The following ODAD2 variants were observed in gnomAD, a reference collection of about 807,000 sequenced individuals.
ODAD2 encodes outer dynein arm docking complex subunit 2, also known as outer dynein arm-docking complex subunit 2.
In ODAD2, 89 loss-of-function variants were observed where a neutral mutation model predicts 106.8. The observed-to-expected ratio is 0.83, with a 90% CI of 0.70 to 0.99. The LOEUF is 0.99. Ranked by LOEUF, ODAD2 falls within the 50% of genes least tolerant of loss-of-function variation. The pLI is 0.00. For missense variants in ODAD2, 1,168 were observed against 1,238.5 expected, an observed-to-expected ratio of 0.94 and a Z score of 0.85; for synonymous variants, 404 against 436.2, an observed-to-expected ratio of 0.93 and a Z score of 0.92.
intron 17 of ODAD2, chr10:27,905,213 T>C (rs1402167807): frequency 5.9e-6 from 1 of 168,272 alleles, no homozygotes; most frequent in Non-Finnish European, 1.3e-5. Flanking sequence ...TCGAGGTTAT[T>C]TTCAGTTCAA....
chr10:27,875,986 C>T (rs914360366), intron 17 of ODAD2, among the ~76,000 whole-genome samples: 13 of 152,222 alleles, frequency 8.5e-5, no homozygotes, highest in African/African-American at 2.4e-4. Context: ...AACATGGCAG[C>T]GAGCCTGGGG....
chr10:27,977,183 G>A (rs1363785988), intron 7 of ODAD2, among the ~76,000 whole-genome samples: 4 of 152,148 alleles, frequency 2.6e-5, no homozygotes, highest in South Asian at 2.1e-4. Flanking sequence ...TTGGAAAAGC[G>A]TTATAAAACA....
chr10:27,902,606 T>C (rs532258809), intron 17 of ODAD2, among the ~76,000 whole-genome samples: 5 of 152,058 alleles, frequency 3.3e-5, no homozygotes, highest in African/African-American at 1.2e-4. Flanking sequence ...TAAAAAATGA[T>C]ACAGGGGAGA....
At position 27,831,663 on chromosome 10, in the gene ODAD2, C is replaced by T. The variant is rs141109726; in HGVS notation, c.3022-19038G>A. On this transcript the variant is annotated intron_variant, in intron 19 of 19. Transcript: ENST00000305242. Reference sequence around the variant, plus strand: ...CTGCCATACAGATGGCCTCCCTTGGCGTACGTGCCCACACAGAGGCAGCTG... The same window carrying T: ...CTGCCATACAGATGGCCTCCCTTGGTGTACGTGCCCACACAGAGGCAGCTG... Among the ~76,000 whole-genome samples the T allele has an allele frequency of 4.0e-3, 611 of 152,348 alleles. 3 individuals are homozygous for T. The highest frequency in any genetic ancestry group is 0.014 in the African/African-American group (569 of 41,592).
intron 19 of ODAD2, among the ~76,000 whole-genome samples, chr10:27,813,647 T>A (rs963063505): frequency 6.6e-6 from 1 of 152,176 alleles, no homozygotes; most frequent in Non-Finnish European, 1.5e-5. Flanking sequence ...AGCAAAGAAA[T>A]CTTACTAAGA....
chr10:27,946,981 A>G (rs1846979061), intron 10 of ODAD2, among the ~76,000 whole-genome samples: 1 of 152,182 alleles, frequency 6.6e-6, no homozygotes, highest in African/African-American at 2.4e-5. Flanking sequence ...CATTTCCCAC[A>G]TGAATGCTCC....
intron 2 of ODAD2, among the ~76,000 whole-genome samples, chr10:27,992,120 T>C (rs1850272112): frequency 6.6e-6 from 1 of 152,208 alleles, no homozygotes; most frequent in African/African-American, 2.4e-5. Context: ...CTTTCCATTA[T>C]GACCAAAATC....
rs920398574 is a variant in ODAD2, at chr10:27,944,351, T to C, written c.1614A>G (p.Pro538=). 2.5e-6 allele frequency: 4 copies of C among 1,614,028 alleles called. No homozygotes were observed. In the Admixed American group the frequency reaches 6.7e-5, roughly 27 times the overall value. The change falls in exon 12 of 20, where the codon CCA becomes CCG. Residue 538 remains proline, a synonymous_variant. Coordinates refer to ENST00000305242, the MANE Select transcript of ODAD2 (RefSeq NM_018076.5). The part of the protein sequence containing the change: ...RQNIVDLGGL[P]IMVNILDSPH... ...GAGAATCAAGTATATTCACCATAATTGGTAAGCCCCCAAGGTCAACAATAT... is the reference window on the plus strand; with the variant it reads ...GAGAATCAAGTATATTCACCATAATCGGTAAGCCCCCAAGGTCAACAATAT...
chr10:27,987,722 C>A (rs1849963546), intron 2 of ODAD2, among the ~76,000 whole-genome samples, 179 bp from the exon 3 acceptor site: 1 of 151,882 alleles, frequency 6.6e-6, no homozygotes, highest in African/African-American at 2.4e-5. Context: ...ACTCTTAAAT[C>A]CTCAAACTTA....
intron 17 of ODAD2, among the ~76,000 whole-genome samples, chr10:27,872,342 T>G (rs1840961985): frequency 6.6e-6 from 1 of 151,942 alleles, no homozygotes; most frequent in East Asian, 1.9e-4. Context: ...TTAAATACCC[T>G]TTATTTCTTT....
intron 17 of ODAD2, among the ~76,000 whole-genome samples, chr10:27,869,106 C>A (rs2133406757): frequency 6.6e-6 from 1 of 151,850 alleles, no homozygotes; most frequent in African/African-American, 2.4e-5. Flanking sequence ...TGAAAGATAT[C>A]TATAAAGAAT....
chr10:27,965,509 T>C (rs112168386), intron 9 of ODAD2, among the ~76,000 whole-genome samples: 5 of 152,162 alleles, frequency 3.3e-5, no homozygotes, highest in Admixed American at 6.5e-5. Flanking sequence ...ATTTGGGCTA[T>C]TGCAGAGCAA....
At chr10:27,924,336 A>T (rs1429934406) in intron 16 of ODAD2, among the ~76,000 whole-genome samples, 1 of 151,824 alleles carries the variant, frequency 6.6e-6, no homozygotes, top group Non-Finnish European at 1.5e-5. Context: ...TCTAAAAATG[A>T]TGATAATGAA....
intron 17 of ODAD2, among the ~76,000 whole-genome samples, chr10:27,868,674 C>T (rs543123261): frequency 2.0e-5 from 3 of 152,076 alleles, no homozygotes; most frequent in Non-Finnish European, 2.9e-5. Flanking sequence ...CACATTGGGG[C>T]CTGCTGGGGC....
At chr10:27,822,298 T>C (rs546163255) in intron 19 of ODAD2, among the ~76,000 whole-genome samples, 24 of 152,314 alleles carry the variant, frequency 1.6e-4, no homozygotes, top group African/African-American at 5.1e-4. Context: ...GATAACAGAT[T>C]TTCTTGTGGT....
At chr10:27,943,807 A>C (rs1323967401) in intron 12 of ODAD2, among the ~76,000 whole-genome samples, 1 of 54,292 alleles carries the variant, frequency 1.8e-5, no homozygotes, top group Non-Finnish European at 5.5e-5. Context: ...AAAAAAAAAA[A>C]AAAAAAAAAA....
At chr10:27,936,245 T>G (rs1845964747) in intron 15 of ODAD2, among the ~76,000 whole-genome samples, 1 of 152,088 alleles carries the variant, frequency 6.6e-6, no homozygotes, top group Non-Finnish European at 1.5e-5. Context: ...GTCATAAAGG[T>G]TACAAATACT....
chr10:27,877,093 A>AACCC (rs1166623350), intron 17 of ODAD2, among the ~76,000 whole-genome samples: 1 of 152,176 alleles, frequency 6.6e-6, no homozygotes, highest in Non-Finnish European at 1.5e-5. Flanking sequence ...TTTTAACTTT[A>AACCC]AGATACTTAG....
chr10:27,948,860 A>T (rs570855663), intron 10 of ODAD2, among the ~76,000 whole-genome samples: 2 of 124,206 alleles, frequency 1.6e-5, no homozygotes, highest in South Asian at 5.2e-4. Context: ...CCTTCTGATG[A>T]CCAGGAGGCA....
Sources: gnomAD v4.1 joint callset for allele counts (sites outside exome capture counted in the v4.1 genomes callset) on GRCh38, gnomAD v4.1.1 for gene constraint, MANE v1.5 for transcripts, NCBI Gene and HGNC (gene_info 2026-07-23, HGNC 2026-07-21) for gene names.